PPP2R1B: variants seen among roughly 807,000 people sequenced by gnomAD.
PPP2R1B encodes protein phosphatase 2 scaffold subunit Abeta.
PPP2R1B carries 58 observed loss-of-function variants against 72.7 expected under a neutral mutation model. That is an observed-to-expected ratio of 0.80 (90% CI 0.65 to 0.99). The LOEUF is 0.99. Ranked by LOEUF, PPP2R1B falls within the 50% of genes least tolerant of loss-of-function variation. The pLI is 0.00. For missense variants in PPP2R1B, 695 were observed against 733.6 expected, an observed-to-expected ratio of 0.95 and a Z score of 0.61; for synonymous variants, 256 against 264.6, an observed-to-expected ratio of 0.97 and a Z score of 0.32.
chr11:111,724,190 C>G, downstream of PPP2R1B: 1 of 1,533,888 alleles, frequency 6.5e-7, no homozygotes, highest in Non-Finnish European at 8.7e-7. Flanking sequence ...TATTTTTATT[C>G]CAGCCTTTTA....
intron 11 of PPP2R1B, among the ~76,000 whole-genome samples, chr11:111,745,211 C>G (rs900067946): frequency 6.6e-6 from 1 of 151,968 alleles, no homozygotes; most frequent in Non-Finnish European, 1.5e-5. Context: ...GCCAACACAT[C>G]CAGCTAATTT....
At chr11:111,705,089 G>A in the PPP2R1B span, 1 of 1,605,578 alleles carries the variant, frequency 6.2e-7, no homozygotes, top group Non-Finnish European at 8.5e-7. This position sits in a 1 kb window ranked among gnomAD's most constrained non-coding sequence, Gnocchi z 4.3. Context: ...GCAGAGACTT[G>A]ATGGCCGCCA....
At position 111,764,514 on chromosome 11, in the gene PPP2R1B, C is replaced by G. The variant is rs571262464; in HGVS notation, c.306+291G>C. On this transcript the variant is annotated intron_variant, in intron 3 of 14. Coordinates refer to ENST00000527614, the MANE Select transcript of PPP2R1B (RefSeq NM_002716.5). Reference sequence around the variant, plus strand: ...TGCTAGGTGAGAATTAAAACTTCCACCATCGCGCGGGGGAACCATAAAAAC... The same window carrying G: ...TGCTAGGTGAGAATTAAAACTTCCAGCATCGCGCGGGGGAACCATAAAAAC... 3.3e-5 allele frequency among the ~76,000 whole-genome samples: 5 copies of G among 152,222 alleles called. No homozygotes were observed. In the South Asian group the frequency reaches 1.0e-3, roughly 32 times the overall value.
At chr11:111,742,469 T>C in intron 13 of PPP2R1B, 54 bp downstream of exon 13, 3 of 1,568,918 alleles carry the variant, frequency 1.9e-6, no homozygotes, top group Non-Finnish European at 1.7e-6. Context: ...CTCCCCACTA[T>C]AAGGTAAAAT....
At chr11:111,721,775 G>C in the PPP2R1B span, 1 of 1,402,600 alleles carries the variant, frequency 7.1e-7, no homozygotes, top group Non-Finnish European at 9.8e-7. Flanking sequence ...GCTAAGAACT[G>C]AGACGTTTTT....
the PPP2R1B span, among the ~76,000 whole-genome samples, chr11:111,698,800 T>A: frequency 6.6e-6 from 1 of 152,256 alleles, no homozygotes; most frequent in Admixed American, 6.5e-5. Flanking sequence ...ATCCTGTGAT[T>A]ATGGTTTAAA....
At chr11:111,711,314 G>T in the PPP2R1B span, among the ~76,000 whole-genome samples, 1 of 151,992 alleles carries the variant, frequency 6.6e-6, no homozygotes, top group East Asian at 1.9e-4. Flanking sequence ...GTAGAGACGG[G>T]GTTTCACCAT....
rs781839059 is a variant in PPP2R1B at position 111,755,329 on chromosome 11, C to T, written c.809G>A (p.Arg270His). 1.9e-5 allele frequency: 30 copies of T among 1,612,402 alleles called. No individual in the cohort carries two copies. Among genetic ancestry groups the T allele is most frequent in the South Asian group, 3.3e-5 (3 of 90,602 alleles). The change falls in exon 6 of 15, where the codon CGC (arginine) becomes CAC (histidine). Residue 270 changes from arginine (R) to histidine (H), a missense_variant. Coordinates refer to ENST00000527614, the MANE Select transcript of PPP2R1B (RefSeq NM_002716.5). ...TCTGTCAGCCACCATATAGCGAACG[C>T]GCCAAGATTTATCTTCTGCTGCTTG... ...LRQAAEDKSW[R>H]VRYMVADRFS...
At chr11:111,733,368 G>C (rs1944251031), downstream of PPP2R1B, among the ~76,000 whole-genome samples, 1 of 152,118 alleles carries the variant, frequency 6.6e-6, no homozygotes, top group Non-Finnish European at 1.5e-5. Context: ...ATGGGAAGCG[G>C]ACTTCCCCTG....
At chr11:111,742,297 A>T in intron 13 of PPP2R1B, 153 bp from the exon 14 acceptor site, 2 of 791,976 alleles carry the variant, frequency 2.5e-6, no homozygotes, top group South Asian at 2.0e-5. Context: ...GTCTAAAGAA[A>T]TTCTCAGCAA....
At chr11:111,716,249 C>CT in the PPP2R1B span, among the ~76,000 whole-genome samples, 3 of 152,092 alleles carry the variant, frequency 2.0e-5, no homozygotes, top group African/African-American at 7.2e-5. Flanking sequence ...TTTTTAATAA[C>CT]TTTTTTTATG....
At position 111,739,518 on chromosome 11, in the gene PPP2R1B, C is replaced by T. The variant is rs867350828; in HGVS notation, c.*2078G>A. 6.7e-5 allele frequency: 66 copies of T among 985,428 alleles called. No homozygotes were observed. The Middle Eastern group carries it at 3.1e-3, about 47-fold the overall frequency. 61.0% of individuals were successfully genotyped at this position (985,428 alleles called of 1,614,324 possible). On this transcript the variant is annotated 3_prime_UTR_variant, in exon 15 of 15. Transcript: ENST00000527614. ...AAAGACAGAGGCCCCGCTGAACCCCCGACCCATGCTTGAGAAAGCCAGGGC... is the reference window on the plus strand; with the variant it reads ...AAAGACAGAGGCCCCGCTGAACCCCTGACCCATGCTTGAGAAAGCCAGGGC...
intron 3 of PPP2R1B, 44 bp downstream of exon 3, chr11:111,764,761 T>C (rs374972525): frequency 1.9e-6 from 3 of 1,588,872 alleles, no homozygotes; most frequent in Admixed American, 1.7e-5. Context: ...TCATTTATAC[T>C]GCAAAAGTTG....
downstream of PPP2R1B, among the ~76,000 whole-genome samples, chr11:111,734,114 G>A (rs117651317): frequency 9.7e-3 from 1,478 of 152,314 alleles, 13 homozygotes; most frequent in Middle Eastern, 0.02. Context: ...GGCAAATGCA[G>A]CCTGGCCTGG....
rs1944445805 is a variant in PPP2R1B at position 111,739,419 on chromosome 11, A to G, written c.*2177T>C. 2.0e-6 allele frequency: 2 copies of G among 985,316 alleles called. No homozygotes were observed. Among genetic ancestry groups the G allele is most frequent in the Middle Eastern group, 5.2e-4 (1 of 1,936 alleles). 61.0% of individuals were successfully genotyped at this position (985,316 alleles called of 1,614,324 possible). Reference sequence around the variant, plus strand: ...ATGAGCCAAAGCACAATTCCTCTGAAGAGTACCAAAACAAATTCTCTCTCT... The same window carrying G: ...ATGAGCCAAAGCACAATTCCTCTGAGGAGTACCAAAACAAATTCTCTCTCT... On this transcript the variant is annotated 3_prime_UTR_variant, in exon 15 of 15. Coordinates refer to ENST00000527614, the MANE Select transcript of PPP2R1B (RefSeq NM_002716.5).
chr11:111,705,035 T>C, the PPP2R1B span: 2 of 1,609,664 alleles, frequency 1.2e-6, no homozygotes, highest in African/African-American at 2.7e-5. The surrounding 1 kb of genome is among the most constrained non-coding windows in gnomAD (Gnocchi z 4.3). Flanking sequence ...TTATTTCTTG[T>C]TGGTGGAGCG....
At chr11:111,750,844 T>G (rs1375122298) in intron 10 of PPP2R1B, among the ~76,000 whole-genome samples, 2 of 57,354 alleles carry the variant, frequency 3.5e-5, no homozygotes, top group Non-Finnish European at 7.7e-5. Context: ...TTTTGTTTTG[T>G]TTTTTTTTTT....
the PPP2R1B span, among the ~76,000 whole-genome samples, chr11:111,697,500 G>A: frequency 9.2e-5 from 14 of 152,070 alleles, no homozygotes; most frequent in South Asian, 4.2e-4. Context: ...TGTTTCAATC[G>A]CAATATAATA....
intron 5 of PPP2R1B, among the ~76,000 whole-genome samples, chr11:111,758,218 GA>G (rs1945195464): frequency 6.6e-6 from 1 of 152,200 alleles, no homozygotes; most frequent in Non-Finnish European, 1.5e-5. Context: ...ATGGCCAGTA[GA>G]AAACTTAAAA....
Sources: gnomAD v4.1 joint callset for allele counts (sites outside exome capture counted in the v4.1 genomes callset) on GRCh38, gnomAD v4.1.1 for gene constraint, Gnocchi (gnomAD v3.1) non-coding constraint, MANE v1.5 for transcripts, NCBI Gene and HGNC (gene_info 2026-07-23, HGNC 2026-07-21) for gene names.